VPS13A: variants seen among roughly 807,000 people sequenced by gnomAD.
The protein encoded by VPS13A is vacuolar protein sorting 13 homolog A.
In VPS13A, 264 loss-of-function variants were observed where a neutral mutation model predicts 390.9. The ratio of observed to expected loss-of-function variants is 0.68; its 90% CI spans 0.61 to 0.75. The LOEUF (loss-of-function observed/expected upper bound fraction) is 0.75, where lower values mean the gene tolerates loss of function less well. VPS13A is among the 30% of genes least tolerant of loss of function. VPS13A has a pLI of 0.00. For missense variants in VPS13A, 3,409 were observed against 3,733.9 expected (o/e 0.91, Z 2.27); for synonymous variants, 1,231 against 1,227.1 (o/e 1.00, Z -0.07).
chr9:77,256,814 G>A (rs898536329), intron 22 of VPS13A, among the ~76,000 whole-genome samples: 1 of 150,756 alleles, frequency 6.6e-6, no homozygotes, highest in Non-Finnish European at 1.5e-5. Flanking sequence ...AGGCATCCCT[G>A]CTCTCTTTTG....
intron 13 of VPS13A, among the ~76,000 whole-genome samples, chr9:77,224,067 C>G (rs1376207237): frequency 6.6e-6 from 1 of 152,166 alleles, no homozygotes; most frequent in African/African-American, 2.4e-5. Context: ...ACAGCAAAGC[C>G]TGGATGACAA....
At position 77,365,485 on chromosome 9, in the gene VPS13A, A is replaced by G. The variant is rs1832381693; in HGVS notation, c.8237A>G (p.Glu2746Gly). 6.2e-7 allele frequency: 1 copy of G among 1,611,172 alleles called. No individual in the cohort carries two copies. Among genetic ancestry groups the G allele is most frequent in the Non-Finnish European group, 8.5e-7 (1 of 1,177,914 alleles). Reference protein sequence around the residue: ...TEVELFHKDIEAFKEEYKTAS... With the variant: ...TEVELFHKDIGAFKEEYKTAS... ...GTTGAGCTTTTTCATAAAGATATAG[A>G]AGCTTTCAAAGAAGAATATAAAACA... is the stretch of plus-strand genomic sequence containing the variant. The change falls in exon 60 of 72, where the codon GAA becomes GGA. Residue 2746 changes from glutamate to glycine, a missense_variant. Glu to Gly is a moderately conservative substitution (Grantham distance 98, BLOSUM62 -2). This residue lies in a region of VPS13A where 123 missense variants were observed against 118.7 expected (regional missense o/e 1.04). Transcript: ENST00000360280.
intron 22 of VPS13A, among the ~76,000 whole-genome samples, chr9:77,259,402 A>G (rs539113179): frequency 2.0e-5 from 3 of 152,330 alleles, no homozygotes; most frequent in Admixed American, 6.5e-5. Flanking sequence ...TATTGGAAAT[A>G]AAAGAAAGCT....
At position 77,360,654 on chromosome 9, in the gene VPS13A, A is replaced by G. The variant is rs771906880; in HGVS notation, c.8211+13A>G. The G allele has an allele frequency of 3.5e-5, 55 of 1,557,484 alleles. No individual in the cohort carries two copies. Among genetic ancestry groups the G allele is most frequent in the Non-Finnish European group, 4.3e-5 (49 of 1,129,318 alleles). On this transcript the variant is annotated intron_variant, in intron 59 of 71. Coordinates refer to ENST00000360280, the MANE Select transcript of VPS13A (RefSeq NM_033305.3). ...TGAAAATACAGAGGTAAGACTTAAA[A>G]TAATAACATTTGATGGAAAGGATTA...
intron 53 of VPS13A, among the ~76,000 whole-genome samples, chr9:77,351,730 A>G (rs547455978): frequency 6.6e-6 from 1 of 152,268 alleles, no homozygotes; most frequent in East Asian, 1.9e-4. Context: ...TTAGCCTCGC[A>G]TGGTGGCGGG....
rs73451839 is a variant in VPS13A at position 77,388,548 on chromosome 9, A to G, written c.9189+6461A>G. ...ATCAATTTTAAAACACACGTTTAAC[A>G]GTGTTATAAAACTGGCTTTTGATGA... is the stretch of plus-strand genomic sequence containing the variant. On this transcript the variant is annotated intron_variant, in intron 68 of 71. Transcript: ENST00000360280. Among the ~76,000 whole-genome samples the G allele has an allele frequency of 3.5e-3, 540 of 152,278 alleles. 3 individuals carry two copies. The highest frequency in any genetic ancestry group is 0.012 in the African/African-American group (515 of 41,580).
At chr9:77,342,813 T>A (rs1318574607) in intron 50 of VPS13A, among the ~76,000 whole-genome samples, 1 of 152,088 alleles carries the variant, frequency 6.6e-6, no homozygotes, top group African/African-American at 2.4e-5. Flanking sequence ...GGAGGCTAAA[T>A]CAGAGAAAGC....
At chr9:77,305,267 A>G (rs1828670249) in intron 34 of VPS13A, among the ~76,000 whole-genome samples, 1 of 152,178 alleles carries the variant, frequency 6.6e-6, no homozygotes, top group Non-Finnish European at 1.5e-5. Flanking sequence ...TCAAACGTAT[A>G]TTCAGAGCAT....
chr9:77,210,784 G>A, intron 7 of VPS13A, 109 bp downstream of exon 7: 1 of 1,083,738 alleles, frequency 9.2e-7, no homozygotes, highest in Admixed American at 1.8e-5. Context: ...ATGTAGAACG[G>A]GTGCACAAAG....
chr9:77,210,652 TC>T lies in VPS13A; in HGVS notation c.535del (p.Leu179PhefsTer4), dbSNP rs1423249105. Reference sequence around the variant, plus strand: ...GGACAAACCGCTGTCATTTGGTATTTCCCTTCAAAATCTGAGCATGCAGGTA... The same window carrying T: ...GGACAAACCGCTGTCATTTGGTATTTCCTTCAAAATCTGAGCATGCAGGTA... Reference protein sequence around the residue: ...NRDKPLSFGISLQNLSMQTTD... With the variant: ...NRDKPLSFGIXLQNLSMQTTD... On this transcript the variant is annotated frameshift_variant, in exon 7 of 72. Coordinates refer to ENST00000360280, the MANE Select transcript of VPS13A (RefSeq NM_033305.3). LOFTEE classifies it high-confidence loss of function. 6.2e-7 allele frequency: 1 copy of T among 1,613,784 alleles called. No individual in the cohort carries two copies. Among genetic ancestry groups the T allele is most frequent in the Non-Finnish European group, 8.5e-7 (1 of 1,180,006 alleles).
rs142981309 is a variant in VPS13A, at chr9:77,353,445, A to G, written c.7456A>G (p.Ile2486Val). ...GCCTATAGATTTGGGGGAAAAGACA[A>G]TATATTTAGTTTCATTCTTTGAAGG... ...MMPIDLGEKT[I>V]YLVSFFEGLQ... is the part of the protein sequence containing the mutation. The change falls in exon 54 of 72, where the codon ATA becomes GTA. Residue 2486 changes from isoleucine (I) to valine (V), a missense_variant. Physicochemically the swap from Ile to Val is conservative, Grantham distance 29 (BLOSUM62 3). Around this residue, in one of 5 missense-constraint regions of VPS13A, gnomAD observed 2,717 missense variants for 2,917.4 expected, o/e 0.93. Coordinates refer to ENST00000360280, the MANE Select transcript of VPS13A (RefSeq NM_033305.3). The G allele has an allele frequency of 1.0e-3, 1,653 of 1,612,316 alleles. 13 individuals are homozygous for G. The highest frequency in any genetic ancestry group is 8.2e-3 in the South Asian group (742 of 90,820).
intron 10 of VPS13A, among the ~76,000 whole-genome samples, chr9:77,218,272 C>T (rs1822980229): frequency 6.6e-6 from 1 of 151,986 alleles, no homozygotes. Context: ...TGCCACCATG[C>T]CCAGCTAATT....
At chr9:77,369,265 T>A (rs1247810564) in intron 62 of VPS13A, 34 bp from the exon 63 acceptor site, 4 of 1,479,620 alleles carry the variant, frequency 2.7e-6, no homozygotes, top group Non-Finnish European at 3.8e-6. Context: ...GATCTAATTA[T>A]CTGAATTGAT....
intron 31 of VPS13A, among the ~76,000 whole-genome samples, chr9:77,285,742 G>A (rs1232857943): frequency 1.3e-5 from 2 of 152,126 alleles, no homozygotes; most frequent in Non-Finnish European, 2.9e-5. Context: ...TATTTTTTGT[G>A]TATAGTTGAG....
At chr9:77,363,665 C>G (rs1832277585) in intron 59 of VPS13A, among the ~76,000 whole-genome samples, 1 of 152,078 alleles carries the variant, frequency 6.6e-6, no homozygotes, top group South Asian at 2.1e-4. Context: ...TTGTCACTTT[C>G]TCTGATTTTC....
At chr9:77,343,970 T>C (rs931363672) in intron 50 of VPS13A, among the ~76,000 whole-genome samples, 183 bp from the exon 51 acceptor site, 2 of 152,230 alleles carry the variant, frequency 1.3e-5, no homozygotes, top group African/African-American at 2.4e-5. Flanking sequence ...TGCATAGTGC[T>C]GACAAGTGAC....
At chr9:77,177,903 C>G in intron 1 of VPS13A, 99 bp downstream of exon 1, 1 of 1,141,254 alleles carries the variant, frequency 8.8e-7, no homozygotes, top group Non-Finnish European at 1.3e-6. Context: ...GAGCACCTTG[C>G]TCGCCGGGTG....
chr9:77,209,519 G>T lies in VPS13A; in HGVS notation c.482G>T (p.Arg161Leu). ...GTGAAAATTTCCAGTATCCATATTCGTTATGAAGATGATGTAAGTATTTTA... is the reference window on the plus strand; with the variant it reads ...GTGAAAATTTCCAGTATCCATATTCTTTATGAAGATGATGTAAGTATTTTA... ...LQVKISSIHI[R>L]YEDDITNRDK... The change falls in exon 6 of 72, where the codon CGT (arginine) becomes CTT (leucine). Residue 161 changes from arginine (R) to leucine (L), a missense_variant. Physicochemically the swap from Arg to Leu is moderately radical, Grantham distance 102. This residue lies in a region of VPS13A where 2,717 missense variants were observed against 2,917.4 expected (regional missense o/e 0.93). Coordinates refer to ENST00000360280, the MANE Select transcript of VPS13A (RefSeq NM_033305.3). The T allele has an allele frequency of 6.3e-7, 1 of 1,580,428 alleles. No homozygotes were observed. The highest frequency in any genetic ancestry group is 1.1e-5 in the South Asian group (1 of 89,398).
intron 17 of VPS13A, among the ~76,000 whole-genome samples, chr9:77,237,433 C>T (rs1353965794): frequency 6.6e-6 from 1 of 151,624 alleles, no homozygotes; most frequent in Admixed American, 6.6e-5. Flanking sequence ...GGCATGATCT[C>T]GGCTCACTGC....
Sources: allele counts gnomAD v4.1 joint callset (sites outside exome capture counted in the v4.1 genomes callset), GRCh38; gene constraint gnomAD v4.1.1; regional missense constraint gnomAD v4.1.1; transcripts MANE v1.5; gene names NCBI Gene and HGNC (gene_info 2026-07-23, HGNC 2026-07-21).